PDIA5: variants seen among roughly 807,000 people sequenced by gnomAD.
PDIA5 encodes protein disulfide-isomerase A5.
In PDIA5, 58 loss-of-function variants were observed where a neutral mutation model predicts 77.6. The ratio of observed to expected loss-of-function variants is 0.75; its 90% confidence interval spans 0.61 to 0.93. PDIA5 has a LOEUF of 0.93. Among genes scored for constraint, PDIA5 ranks in the 40% least tolerant of loss-of-function variants. The probability of loss-of-function intolerance (pLI) is 0.00; values close to 1 mark genes in which losing one functional copy is unlikely to be tolerated. For synonymous variants in PDIA5, 250 were observed against 252.1 expected (o/e 0.99, Z 0.08); for missense variants, 630 against 647.7 (o/e 0.97, Z 0.30).
At chr3:123,137,837 A>G (rs1156323091) in intron 11 of PDIA5, among the ~76,000 whole-genome samples, 2 of 152,154 alleles carry the variant, frequency 1.3e-5, no homozygotes, top group African/African-American at 4.8e-5. Flanking sequence ...GTTGTTTAGG[A>G]AATTCTCCCT....
chr3:123,117,651 G>T (rs559161375), intron 8 of PDIA5, among the ~76,000 whole-genome samples: 1 of 151,920 alleles, frequency 6.6e-6, no homozygotes, highest in East Asian at 1.9e-4. Flanking sequence ...CATGTCATAG[G>T]ATTTCCTTCT....
At chr3:123,103,995 C>A (rs1934668127) in intron 5 of PDIA5, among the ~76,000 whole-genome samples, 1 of 152,116 alleles carries the variant, frequency 6.6e-6, no homozygotes, top group South Asian at 2.1e-4. Flanking sequence ...CTGTCTTGGG[C>A]TTATGGAGCA....
intron 1 of PDIA5, among the ~76,000 whole-genome samples, chr3:123,073,883 T>C (rs1225667070): frequency 1.3e-5 from 2 of 152,324 alleles, no homozygotes; most frequent in Non-Finnish European, 2.9e-5. Flanking sequence ...AAGATGTTGA[T>C]GAAAATCAAG....
At chr3:123,069,787 A>G (rs1933677535) in intron 1 of PDIA5, among the ~76,000 whole-genome samples, 1 of 152,124 alleles carries the variant, frequency 6.6e-6, no homozygotes, top group African/African-American at 2.4e-5. Context: ...TTTCAGGGGA[A>G]TGACAGAAAT....
intron 13 of PDIA5, 103 bp downstream of exon 13, chr3:123,146,362 C>T (rs1238781132): frequency 2.1e-6 from 2 of 972,354 alleles, no homozygotes; most frequent in African/African-American, 1.6e-5. Context: ...GTCCTGGGCT[C>T]ATGCCCGTAG....
chr3:123,091,129 A>T (rs11714064), intron 2 of PDIA5, among the ~76,000 whole-genome samples: 9,266 of 152,024 alleles, frequency 0.061, 548 homozygotes, highest in African/African-American at 0.16. Flanking sequence ...CTTTCCCCAC[A>T]TCAGTGGCTC....
chr3:123,080,156 G>T lies in PDIA5; in HGVS notation c.43-9012G>T, dbSNP rs1382443688. Among the ~76,000 whole-genome samples, 5 of 150,450 alleles carry T rather than the reference G, an allele frequency of 3.3e-5. No homozygotes were observed. In the East Asian group the frequency reaches 7.8e-4, roughly 24 times the overall value. ...GATAGGCTGACAGATGGGTGTGTGT[G>T]TGGGGGGGATTTAACATTTCTAATG... is the stretch of plus-strand genomic sequence containing the variant. On this transcript the variant is annotated intron_variant, in intron 1 of 16. Transcript: ENST00000316218.
intron 6 of PDIA5, among the ~76,000 whole-genome samples, chr3:123,108,953 C>A (rs888566130): frequency 2.6e-5 from 4 of 151,982 alleles, no homozygotes; most frequent in African/African-American, 9.7e-5. Flanking sequence ...TGTGCCTAGA[C>A]CCATGGAAAT....
At chr3:123,130,207 C>T (rs1223929830) in intron 10 of PDIA5, among the ~76,000 whole-genome samples, 1 of 152,242 alleles carries the variant, frequency 6.6e-6, no homozygotes, top group Admixed American at 6.5e-5. Context: ...ATTTCTTAGG[C>T]TATCTAGAGA....
intron 8 of PDIA5, among the ~76,000 whole-genome samples, chr3:123,121,271 C>T (rs762152129): frequency 1.7e-4 from 26 of 152,198 alleles, no homozygotes; most frequent in East Asian, 3.8e-4. Flanking sequence ...ATGCAGCCCA[C>T]GCTAAGAAGC....
intron 10 of PDIA5, among the ~76,000 whole-genome samples, chr3:123,126,133 A>G (rs1019280916): frequency 3.9e-5 from 6 of 152,180 alleles, no homozygotes; most frequent in Admixed American, 1.3e-4. Flanking sequence ...ATTACCTGCT[A>G]ACCCTAGACA....
intron 1 of PDIA5, among the ~76,000 whole-genome samples, chr3:123,079,521 C>A (rs991609823): frequency 1.3e-5 from 2 of 152,144 alleles, no homozygotes; most frequent in South Asian, 2.1e-4. Context: ...AAATAAAATA[C>A]CATCTAAATG....
Position 123,145,517 on chromosome 3 carries a change from C to T in PDIA5, c.911-5C>T, listed in dbSNP as rs1249763102. The T allele has an allele frequency of 9.9e-6, 16 of 1,613,152 alleles. No homozygotes were observed. Among genetic ancestry groups the T allele is most frequent in the Non-Finnish European group, 1.4e-5 (16 of 1,179,192 alleles). ...AGAATGGTTTCTCTTGATCTCTCCC[C>T]ACAGGGTGTGGCCACTGTAAGAAAA... On this transcript the variant is annotated splice_polypyrimidine_tract_variant and splice_region_variant and intron_variant, in intron 11 of 16. Transcript: ENST00000316218.
intron 1 of PDIA5, among the ~76,000 whole-genome samples, chr3:123,080,578 G>A (rs1933973476): frequency 6.6e-6 from 1 of 152,172 alleles, no homozygotes; most frequent in South Asian, 2.1e-4. Context: ...TTGGGCTACT[G>A]GGAAGAACAC....
At chr3:123,161,646 C>A in intron 16 of PDIA5, 191 bp downstream of exon 16, 1 of 670,470 alleles carries the variant, frequency 1.5e-6, no homozygotes, top group South Asian at 1.9e-5. Flanking sequence ...AAGGGGTTGC[C>A]ACAGATGTCC....
chr3:123,130,441 AG>A, intron 10 of PDIA5, 38 bp from the exon 11 acceptor site: 1 of 1,590,790 alleles, frequency 6.3e-7, no homozygotes, highest in South Asian at 1.1e-5. Context: ...CCAAGGCCCC[AG>A]GGCCTGCTCT....
At position 123,156,781 on chromosome 3, in the gene PDIA5, G is replaced by A. The variant is rs576376830; in HGVS notation, c.1344+1740G>A. Among the ~76,000 whole-genome samples the A allele has an allele frequency of 5.3e-5, 8 of 151,970 alleles. 1 individual carries two copies. In the South Asian group the frequency reaches 1.7e-3, roughly 32 times the overall value. Reference sequence around the variant, plus strand: ...TGGGGAGCATGGTGTCAGGGAGCGTGGTCCAGCTGAGGCACCGAGGGGGCT... The same window carrying A: ...TGGGGAGCATGGTGTCAGGGAGCGTAGTCCAGCTGAGGCACCGAGGGGGCT... On this transcript the variant is annotated intron_variant, in intron 15 of 16. Coordinates refer to ENST00000316218, the MANE Select transcript of PDIA5 (RefSeq NM_006810.4).
In PDIA5 at chr3:123,102,718, T is replaced by G. The variant is rs772368826; in HGVS notation, c.342-33T>G. The G allele has an allele frequency of 8.4e-6, 13 of 1,549,442 alleles. No individual in the cohort carries two copies. The East Asian group carries it at 2.7e-4, about 32-fold the overall frequency. ...AGGTATGTATCTTCACAACCATTCT[T>G]AAAGTTAACACATTTTTCTCCTCAT... On this transcript the variant is annotated intron_variant, in intron 4 of 16. Transcript: ENST00000316218.
At chr3:123,157,048 G>C (rs1375612216) in intron 15 of PDIA5, among the ~76,000 whole-genome samples, 1 of 152,166 alleles carries the variant, frequency 6.6e-6, no homozygotes, top group Non-Finnish European at 1.5e-5. Context: ...TGATTGTCTT[G>C]GGCCAGTGGT....
Sources: allele counts gnomAD v4.1 joint callset (sites outside exome capture counted in the v4.1 genomes callset), GRCh38; gene constraint gnomAD v4.1.1; transcripts MANE v1.5; gene names NCBI Gene and HGNC (gene_info 2026-07-23, HGNC 2026-07-21).